The following AP2S1 variants were observed in gnomAD, a reference collection of about 807,000 sequenced individuals.
AP2S1 encodes adaptor related protein complex 2 subunit sigma 1.
A neutral mutation model predicts 21.0 loss-of-function variants in AP2S1; 6 were observed. The ratio of observed to expected loss-of-function variants is 0.29; its 90% CI spans 0.16 to 0.56. The LOEUF is 0.56. Ranked by LOEUF, AP2S1 falls within the 20% of genes least tolerant of loss-of-function variation. The probability of loss-of-function intolerance (pLI) is 0.92; values close to 1 mark genes in which losing one functional copy is unlikely to be tolerated. For synonymous variants in AP2S1, 63 were observed against 74.6 expected, an observed-to-expected ratio of 0.84 and a Z score of 0.80; for missense variants, 60 against 186.2, an observed-to-expected ratio of 0.32 and a Z score of 3.95.
At chr19:46,843,533 G>A (rs2055565728) in intron 2 of AP2S1, among the ~76,000 whole-genome samples, 2 of 152,064 alleles carry the variant, frequency 1.3e-5, no homozygotes, top group Non-Finnish European at 2.9e-5. Flanking sequence ...ACCAGCCTGG[G>A]CAACATGGCG....
intron 2 of AP2S1, among the ~76,000 whole-genome samples, chr19:46,842,055 C>G (rs2055531616): frequency 6.6e-6 from 1 of 152,094 alleles, no homozygotes; most frequent in Admixed American, 6.6e-5. Context: ...GTGGCAGGTC[C>G]CTGTAGTCCC....
intron 1 of AP2S1, chr19:46,850,432 A>G (rs908057901): frequency 1.3e-5 from 11 of 863,400 alleles, no homozygotes; most frequent in African/African-American, 5.3e-5. Flanking sequence ...CCCACCTCCA[A>G]TGCCTTCTCG....
At chr19:46,846,165 G>T (rs981515837) in intron 1 of AP2S1, 23 bp from the exon 2 acceptor site, 1 of 1,613,278 alleles carries the variant, frequency 6.2e-7, no homozygotes, top group African/African-American at 1.3e-5. Context: ...GGAGGAGAAG[G>T]AGGAAGTGAG....
In AP2S1 at chr19:46,838,363, T is replaced by A; in HGVS notation, c.*84A>T. The A allele has an allele frequency of 7.3e-7, 1 of 1,363,620 alleles. No homozygotes were observed. Among genetic ancestry groups the A allele is most frequent in the Non-Finnish European group, 1.0e-6 (1 of 963,034 alleles). The allele number at this position is 1,363,620 out of a possible 1,614,324, so 84.5% of individuals were successfully genotyped here. On this transcript the variant is annotated 3_prime_UTR_variant, in exon 5 of 5. Transcript: ENST00000263270. This position sits in a 1 kb window ranked among gnomAD's most constrained non-coding sequence, Gnocchi z 4.1. ...CCTCCTAGGCAGCTGAGGGAAGGAC[T>A]GCTGGGTTGGCCACGGGCCTGGGAA...
rs1440553979 is a variant in AP2S1 at position 46,838,833 on chromosome 19, G to T, written c.268-34C>A. The T allele has an allele frequency of 2.5e-6, 4 of 1,599,928 alleles. No individual in the cohort carries two copies. Among genetic ancestry groups the T allele is most frequent in the Non-Finnish European group, 3.4e-6 (4 of 1,167,864 alleles). On this transcript the variant is annotated intron_variant, in intron 3 of 4. Transcript: ENST00000263270. The surrounding 1 kb of genome is among the most constrained non-coding windows in gnomAD (Gnocchi z 4.1). ...GGAAGGCAGAGATGGTAAGAGATGG[G>T]CAGGGAGAGAGCCACACACGCACAG...
intron 2 of AP2S1, among the ~76,000 whole-genome samples, chr19:46,842,131 T>C (rs1236693411): frequency 6.6e-6 from 1 of 152,090 alleles, no homozygotes; most frequent in African/African-American, 2.4e-5. Context: ...CAGTGAGCTA[T>C]GATTGCACCA....
At chr19:46,841,362 C>T (rs1396312786) in intron 2 of AP2S1, among the ~76,000 whole-genome samples, 2 of 152,208 alleles carry the variant, frequency 1.3e-5, no homozygotes, top group Non-Finnish European at 2.9e-5. Flanking sequence ...TGGCTCTCAC[C>T]CTCCTCCGCC....
intron 3 of AP2S1, 41 bp downstream of exon 3, chr19:46,839,424 G>GCGCCC: frequency 6.6e-7 from 1 of 1,504,488 alleles, no homozygotes; most frequent in Non-Finnish European, 9.2e-7. Flanking sequence ...CTCCAGGGCT[G>GCGCCC]CCCACCCGCC....
At chr19:46,839,439 C>CCCCATAAAA in intron 3 of AP2S1, 26 bp downstream of exon 3, 2 of 1,569,682 alleles carry the variant, frequency 1.3e-6, no homozygotes, top group Non-Finnish European at 1.7e-6. Context: ...CCCGCCTCCC[C>CCCCATAAAA]ACCTTACATC....
chr19:46,838,368 G>T lies in AP2S1; in HGVS notation c.*79C>A, dbSNP rs1239567763. ...TAGGCAGCTGAGGGAAGGACTGCTG[G>T]GTTGGCCACGGGCCTGGGAAGGGGA... On this transcript the variant is annotated 3_prime_UTR_variant, in exon 5 of 5. Coordinates refer to ENST00000263270, the MANE Select transcript of AP2S1 (RefSeq NM_004069.6). The surrounding 1 kb of genome is among the most constrained non-coding windows in gnomAD (Gnocchi z 4.1). The T allele has an allele frequency of 1.4e-6, 2 of 1,410,098 alleles. No individual in the cohort carries two copies. The highest frequency in any genetic ancestry group is 1.4e-5 in the African/African-American group (1 of 70,568). The allele number at this position is 1,410,098 out of a possible 1,614,324, so 87.3% of individuals were successfully genotyped here.
At chr19:46,850,214 G>C in intron 1 of AP2S1, 1 of 1,232,492 alleles carries the variant, frequency 8.1e-7, no homozygotes, top group Non-Finnish European at 1.0e-6. Flanking sequence ...TTGGTTTCCT[G>C]TGCCAGGTCT....
chr19:46,846,230 AG>A, intron 1 of AP2S1, 88 bp from the exon 2 acceptor site: 3 of 1,517,970 alleles, frequency 2.0e-6, no homozygotes, highest in Non-Finnish European at 2.7e-6. Flanking sequence ...ATCCACCCAG[AG>A]GGGAGATAGG....
rs574405608 is a variant in AP2S1, at chr19:46,848,244, G to C, written c.4-2102C>G. ...ATTAGCCAGGTGTGATGGGGGGCAG[G>C]GGGGAGGCGGCTATAATCCCAGCTA... On this transcript the variant is annotated intron_variant, in intron 1 of 4. Transcript: ENST00000263270. 3.3e-5 allele frequency among the ~76,000 whole-genome samples: 5 copies of C among 152,138 alleles called. No individual in the cohort carries two copies. The East Asian group carries it at 7.7e-4, about 24-fold the overall frequency.
chr19:46,847,892 T>C (rs2055665536), intron 1 of AP2S1, among the ~76,000 whole-genome samples: 1 of 152,174 alleles, frequency 6.6e-6, no homozygotes, highest in Non-Finnish European at 1.5e-5. Flanking sequence ...AACATTCGTG[T>C]ATGAGTTTTC....
chr19:46,846,822 C>T (rs989305819), intron 1 of AP2S1, among the ~76,000 whole-genome samples: 17 of 152,246 alleles, frequency 1.1e-4, no homozygotes, highest in South Asian at 2.1e-4. Context: ...CCCGCCACCA[C>T]GCCTGGAAAA....
At chr19:46,842,726 C>A (rs28705129) in intron 2 of AP2S1, among the ~76,000 whole-genome samples, 1 of 152,138 alleles carries the variant, frequency 6.6e-6, no homozygotes, top group African/African-American at 2.4e-5. Flanking sequence ...TTCCTCTCCC[C>A]CTTCCCACCT....
At chr19:46,841,631 G>A (rs1400483800) in intron 2 of AP2S1, among the ~76,000 whole-genome samples, 1 of 152,222 alleles carries the variant, frequency 6.6e-6, no homozygotes, top group East Asian at 1.9e-4. Context: ...AGCCTGTGGG[G>A]GAAGCTGGAG....
chr19:46,838,709 T>C lies in AP2S1; in HGVS notation c.327+31A>G. On this transcript the variant is annotated intron_variant, in intron 4 of 4. Transcript: ENST00000263270. The surrounding 1 kb of genome is among the most constrained non-coding windows in gnomAD (Gnocchi z 4.1). ...GTCCCCCCCGTCCCCCTCCTCTGGC[T>C]CCTTCAGCCTCCTCTTCACCAGGAG... 1 of 1,610,468 alleles carries C rather than the reference T, an allele frequency of 6.2e-7. No homozygotes were observed. The highest frequency in any genetic ancestry group is 8.5e-7 in the Non-Finnish European group (1 of 1,177,056).
At chr19:46,843,030 C>T (rs1031312865) in intron 2 of AP2S1, among the ~76,000 whole-genome samples, 8 of 152,256 alleles carry the variant, frequency 5.3e-5, no homozygotes, top group East Asian at 1.9e-4. Flanking sequence ...GGACGATACT[C>T]GGGGCCAGAC....
Sources: allele counts gnomAD v4.1 joint callset (sites outside exome capture counted in the v4.1 genomes callset), GRCh38; gene constraint gnomAD v4.1.1; non-coding constraint Gnocchi (gnomAD v3.1); transcripts MANE v1.5; gene names NCBI Gene and HGNC (gene_info 2026-07-23, HGNC 2026-07-21).